MYO1B: variants seen among roughly 807,000 people sequenced by gnomAD.
The protein encoded by MYO1B is myosin IB, also known as unconventional myosin-Ib.
MYO1B carries 72 observed loss-of-function variants against 159.7 expected under a neutral mutation model. The observed-to-expected ratio is 0.45, with a 90% CI of 0.37 to 0.55. The LOEUF is 0.55. MYO1B is among the 20% of genes least tolerant of loss of function. The probability of loss-of-function intolerance (pLI) is 0.00; values close to 1 mark genes in which losing one functional copy is unlikely to be tolerated. For synonymous variants in MYO1B, 468 were observed against 473.8 expected, an observed-to-expected ratio of 0.99 and a Z score of 0.16; for missense variants, 1,062 against 1,364.8, an observed-to-expected ratio of 0.78 and a Z score of 3.50.
At chr2:191,257,537 T>G (rs900491370) in intron 1 of MYO1B, among the ~76,000 whole-genome samples, 6 of 152,242 alleles carry the variant, frequency 3.9e-5, no homozygotes, top group Admixed American at 2.0e-4. Flanking sequence ...TTTTAATCAC[T>G]GAAAAGTTCA....
rs776366435 is a variant in MYO1B, at chr2:191,360,704, C to G, written c.636C>G (p.Leu212=). The G allele has an allele frequency of 1.5e-5, 24 of 1,612,724 alleles. No homozygotes were observed. In the Admixed American group the frequency reaches 3.8e-4, roughly 26 times the overall value. ...ERNFHVFYQL[L]SGASEELLNK... The stretch of plus-strand genomic sequence containing the variant: ...ACTTCCATGTGTTCTATCAGCTGCT[C>G]TCTGGTGCCTCTGAAGAGCTCCTCA... The change falls in exon 8 of 31, where the codon CTC becomes CTG. Residue 212 remains leucine (L), a synonymous_variant. Coordinates refer to ENST00000392318, the MANE Select transcript of MYO1B (RefSeq NM_001130158.3).
intron 3 of MYO1B, among the ~76,000 whole-genome samples, chr2:191,302,388 C>T (rs1166143111): frequency 1.3e-5 from 2 of 152,162 alleles, no homozygotes; most frequent in Admixed American, 6.5e-5. Flanking sequence ...TTTTTCATTA[C>T]ATTTTACCTG....
intron 24 of MYO1B, among the ~76,000 whole-genome samples, chr2:191,403,866 T>A (rs192320115): frequency 3.2e-4 from 49 of 152,296 alleles, no homozygotes; most frequent in Admixed American, 8.5e-4. Context: ...AACTCACATC[T>A]TTAGTTTTCT....
chr2:191,345,383 G>A (rs993526575), intron 5 of MYO1B, among the ~76,000 whole-genome samples: 2 of 152,154 alleles, frequency 1.3e-5, no homozygotes, highest in African/African-American at 2.4e-5. Flanking sequence ...CTACTACCAT[G>A]GCCCAGGTTA....
intron 1 of MYO1B, among the ~76,000 whole-genome samples, chr2:191,262,327 A>C (rs1404801222): frequency 6.6e-6 from 1 of 152,138 alleles, no homozygotes; most frequent in African/African-American, 2.4e-5. Context: ...TTTATGCAGT[A>C]CACAAACTGA....
At chr2:191,299,483 G>C (rs1689178976) in intron 3 of MYO1B, among the ~76,000 whole-genome samples, 1 of 152,084 alleles carries the variant, frequency 6.6e-6, no homozygotes, top group Non-Finnish European at 1.5e-5. Flanking sequence ...CCTTCTGCCT[G>C]GAATGCTTTT....
chr2:191,365,558 A>C (rs1574519564), intron 11 of MYO1B, among the ~76,000 whole-genome samples: 1 of 152,154 alleles, frequency 6.6e-6, no homozygotes, highest in Admixed American at 6.5e-5. Flanking sequence ...TATCTGTCCA[A>C]GTCATCCTCA....
chr2:191,394,922 ATC>A (rs1454143835), intron 20 of MYO1B, among the ~76,000 whole-genome samples: 1 of 152,186 alleles, frequency 6.6e-6, no homozygotes, highest in Non-Finnish European at 1.5e-5. Flanking sequence ...CTAATGTTAC[ATC>A]TCTTTCAAAA....
chr2:191,300,287 G>GGC (rs1689230120), intron 3 of MYO1B, among the ~76,000 whole-genome samples: 2 of 105,396 alleles, frequency 1.9e-5, no homozygotes, highest in East Asian at 6.8e-4. Context: ...TACATACTTT[G>GGC]AAAACTTTGC....
chr2:191,407,174 A>G (rs1386234874), intron 24 of MYO1B, among the ~76,000 whole-genome samples: 1 of 152,260 alleles, frequency 6.6e-6, no homozygotes, highest in Admixed American at 6.5e-5. Flanking sequence ...TAACTTAAAA[A>G]TATGCATACA....
intron 19 of MYO1B, among the ~76,000 whole-genome samples, 170 bp from the exon 20 acceptor site, chr2:191,392,903 T>C (rs1348011215): frequency 6.6e-6 from 1 of 152,198 alleles, no homozygotes; most frequent in Non-Finnish European, 1.5e-5. Context: ...TCAAAATAAT[T>C]TTCTCATGGA....
At chr2:191,274,935 T>C (rs1671846451) in intron 1 of MYO1B, among the ~76,000 whole-genome samples, 2 of 151,972 alleles carry the variant, frequency 1.3e-5, no homozygotes, top group African/African-American at 4.8e-5. Flanking sequence ...TGAGACAGAG[T>C]CTCACTCTGT....
chr2:191,365,581 C>T (rs1693956744), intron 11 of MYO1B, among the ~76,000 whole-genome samples: 1 of 152,168 alleles, frequency 6.6e-6, no homozygotes, highest in Non-Finnish European at 1.5e-5. Context: ...AATTCACAGT[C>T]AGATACGAAG....
intron 26 of MYO1B, among the ~76,000 whole-genome samples, chr2:191,409,972 T>C (rs534975071): frequency 6.6e-6 from 1 of 152,214 alleles, no homozygotes; most frequent in South Asian, 2.1e-4. Context: ...CCCAGCACGG[T>C]GGGCTTGTTT....
At chr2:191,326,762 T>TTG (rs1446087640) in intron 3 of MYO1B, among the ~76,000 whole-genome samples, 9 of 131,988 alleles carry the variant, frequency 6.8e-5, no homozygotes, top group African/African-American at 2.1e-4. Context: ...AGCCTTGTGT[T>TTG]TGTATATATG....
At chr2:191,258,452 A>G (rs1317256492) in intron 1 of MYO1B, among the ~76,000 whole-genome samples, 1 of 152,230 alleles carries the variant, frequency 6.6e-6, no homozygotes, top group Non-Finnish European at 1.5e-5. Flanking sequence ...ACACTGCTGT[A>G]GACTTTATAA....
At chr2:191,257,335 G>C (rs1686513202) in intron 1 of MYO1B, among the ~76,000 whole-genome samples, 1 of 152,182 alleles carries the variant, frequency 6.6e-6, no homozygotes, top group African/African-American at 2.4e-5. Flanking sequence ...CTGCAAGGAA[G>C]GGAAGATTGA....
chr2:191,355,177 C>G (rs549385805), intron 7 of MYO1B, among the ~76,000 whole-genome samples: 1 of 152,300 alleles, frequency 6.6e-6, no homozygotes, highest in African/African-American at 2.4e-5. Flanking sequence ...GAATGAACTG[C>G]TAGACATATG....
In MYO1B at chr2:191,393,080, A is replaced by G. The variant is rs200466699; in HGVS notation, c.2084A>G (p.Lys695Arg). The G allele has an allele frequency of 1.9e-6, 3 of 1,613,410 alleles. No homozygotes were observed. Among genetic ancestry groups the G allele is most frequent in the East Asian group, 2.2e-5 (1 of 44,862 alleles). Residue 695 changes from lysine (K) to arginine (R), a missense_variant, in exon 20 of 31, where the codon AAA (lysine) becomes AGA (arginine). By Grantham distance (26) the Lys-to-Arg change is conservative. Around this residue, in one of 5 missense-constraint regions of MYO1B, gnomAD observed 609 missense variants for 744.4 expected, o/e 0.82. Coordinates refer to ENST00000392318, the MANE Select transcript of MYO1B (RefSeq NM_001130158.3). ...IFIRNPRTLF[K>R]LEDLRKQRLE... is the part of the protein sequence containing the mutation. ...TCTATCATTTCTTATTAGTTATTCA[A>G]ATTAGAAGACCTGAGGAAGCAACGC... is the stretch of plus-strand genomic sequence containing the variant.
Sources: gnomAD v4.1 joint callset for allele counts (sites outside exome capture counted in the v4.1 genomes callset) on GRCh38, gnomAD v4.1.1 for gene constraint, gnomAD v4.1.1 regional missense constraint, MANE v1.5 for transcripts, NCBI Gene and HGNC (gene_info 2026-07-23, HGNC 2026-07-21) for gene names.